FOXL2NB: variants seen among roughly 807,000 people sequenced by gnomAD.
FOXL2NB encodes the protein FOXL2 neighbor protein.
Under a neutral mutation model 7.4 loss-of-function variants are expected in FOXL2NB, and 10 were observed. That is an observed-to-expected ratio of 1.34 (90% CI 0.83 to 2.28). The LOEUF (loss-of-function observed/expected upper bound fraction) is 2.28. FOXL2NB is among the 30% of genes most tolerant of loss of function. The probability of loss-of-function intolerance (pLI) is 0.00; values close to 1 mark genes in which losing one functional copy is unlikely to be tolerated. For missense variants in FOXL2NB, 228 were observed against 233.9 expected, an observed-to-expected ratio of 0.97 and a Z score of 0.17; for synonymous variants, 104 against 105.3, an observed-to-expected ratio of 0.99 and a Z score of 0.08.
Position 138,950,708 on chromosome 3 carries a change from C to G in FOXL2NB, c.*136C>G, listed in dbSNP as rs1303762072. 1 of 862,446 alleles carries G rather than the reference C, an allele frequency of 1.2e-6. No individual in the cohort carries two copies. The highest frequency in any genetic ancestry group is 1.7e-5 in the African/African-American group (1 of 58,194). The allele number at this position is 862,446 out of a possible 1,614,324, so 53.4% of individuals were successfully genotyped here. On this transcript the variant is annotated 3_prime_UTR_variant, in exon 3 of 3. Transcript: ENST00000383165. ...GTCACGTTACTCCATCCACTTCTCT[C>G]TCCTTCTCCCTCTGTCAACTCCAAA...
Position 138,949,905 on chromosome 3 carries a change from G to C in FOXL2NB, c.220+266G>C, listed in dbSNP as rs761091457. On this transcript the variant is annotated intron_variant, in intron 2 of 2. Coordinates refer to ENST00000383165, the MANE Select transcript of FOXL2NB (RefSeq NM_001040061.3). The surrounding 1 kb of genome is among the most constrained non-coding windows in gnomAD (Gnocchi z 4.5). ...CTCTGAACAGGGCATACTGTGCCTA[G>C]GTTTTGTGGACGCCAGGGCCGGTTC... is the stretch of plus-strand genomic sequence containing the variant. 3 of 693,434 alleles carry C rather than the reference G, an allele frequency of 4.3e-6. No homozygotes were observed. In the South Asian group the frequency reaches 4.5e-5, roughly 10 times the overall value. The allele number at this position is 693,434 out of a possible 1,614,324, so 43.0% of individuals were successfully genotyped here.
At chr3:138,948,111 G>C (rs1382323760) in intron 1 of FOXL2NB, 1 of 419,052 alleles carries the variant, frequency 2.4e-6, no homozygotes, top group Non-Finnish European at 3.2e-6. Context: ...AATGTAGCTG[G>C]TGGATATAGC....
Position 138,949,816 on chromosome 3 carries a change from G to C in FOXL2NB, c.220+177G>C. 1.1e-6 allele frequency: 1 copy of C among 872,262 alleles called. No homozygotes were observed. The highest frequency in any genetic ancestry group is 1.9e-6 in the Non-Finnish European group (1 of 540,000). 54.0% of individuals were successfully genotyped at this position (872,262 alleles called of 1,614,324 possible). ...AACCGGGCGCTCCAGGAAACGGTGC[G>C]GGGCGCCCTGATTTACTTCTCAACC... On this transcript the variant is annotated intron_variant, in intron 2 of 2. Coordinates refer to ENST00000383165, the MANE Select transcript of FOXL2NB (RefSeq NM_001040061.3). The surrounding 1 kb of genome is among the most constrained non-coding windows in gnomAD (Gnocchi z 4.5).
In FOXL2NB at chr3:138,953,829, A is replaced by G. The variant is rs1210599576; in HGVS notation, c.*3257A>G. Among the ~76,000 whole-genome samples, 1 of 152,208 alleles carries G rather than the reference A, an allele frequency of 6.6e-6. No individual in the cohort carries two copies. Among genetic ancestry groups the G allele is most frequent in the African/African-American group, 2.4e-5 (1 of 41,450 alleles). ...CCTTTATGTCTAGTTTTTTCTGTGC[A>G]ACATATTTTTAATATTCACTGGTCT... On this transcript the variant is annotated 3_prime_UTR_variant, in exon 3 of 3. Transcript: ENST00000383165.
chr3:138,950,685 CACGTT>C lies in FOXL2NB; in HGVS notation c.*116_*120del. On this transcript the variant is annotated 3_prime_UTR_variant, in exon 3 of 3. Transcript: ENST00000383165. ...GGACTCGGTGTCCCTCCACTCAGGT[CACGTT>C]ACTCCATCCACTTCTCTCTCCTTCT... is the stretch of plus-strand genomic sequence containing the variant. 1 of 1,083,244 alleles carries C rather than the reference CACGTT, an allele frequency of 9.2e-7. No individual in the cohort carries two copies. Among genetic ancestry groups the C allele is most frequent in the Non-Finnish European group, 1.4e-6 (1 of 731,514 alleles). 67.1% of individuals were successfully genotyped at this position (1,083,244 alleles called of 1,614,324 possible).
In FOXL2NB at chr3:138,947,689, G is replaced by T; in HGVS notation, c.100+225G>T. On this transcript the variant is annotated intron_variant, in intron 1 of 2. Coordinates refer to ENST00000383165, the MANE Select transcript of FOXL2NB (RefSeq NM_001040061.3). The surrounding 1 kb of genome is among the most constrained non-coding windows in gnomAD (Gnocchi z 5.2). ...TCTCAGAGTGACTGGGCTGGAATGG[G>T]GCAGGGGAGAGGATCTCTGGAAATA... 1 of 1,299,650 alleles carries T rather than the reference G, an allele frequency of 7.7e-7. No homozygotes were observed. Among genetic ancestry groups the T allele is most frequent in the Non-Finnish European group, 9.7e-7 (1 of 1,026,426 alleles). The allele number at this position is 1,299,650 out of a possible 1,614,324, so 80.5% of individuals were successfully genotyped here.
chr3:138,951,248 G>T lies in FOXL2NB; in HGVS notation c.*676G>T, dbSNP rs925558946. On this transcript the variant is annotated 3_prime_UTR_variant, in exon 3 of 3. Transcript: ENST00000383165. Reference sequence around the variant, plus strand: ...CATATGTGCTTGGGAGAGAATAGGGGAGTGGAGAGAGAGAGAGAGATATTG... The same window carrying T: ...CATATGTGCTTGGGAGAGAATAGGGTAGTGGAGAGAGAGAGAGAGATATTG... The T allele has an allele frequency of 2.0e-5, 3 of 152,322 alleles. No individual in the cohort carries two copies. Among genetic ancestry groups the T allele is most frequent in the African/African-American group, 7.2e-5 (3 of 41,448 alleles). 9.4% of individuals were successfully genotyped at this position (152,322 alleles called of 1,614,324 possible). A position where few individuals can be genotyped will look rare whatever the true frequency, so the allele number is the denominator to read the frequency against.
At position 138,950,578 on chromosome 3, in the gene FOXL2NB, C is replaced by A; in HGVS notation, c.*6C>A. ...AGCTTCACTGTGTCTATTAGTACATCCCCATACACTCCACGCCTCAACAAC... is the reference window on the plus strand; with the variant it reads ...AGCTTCACTGTGTCTATTAGTACATACCCATACACTCCACGCCTCAACAAC... On this transcript the variant is annotated 3_prime_UTR_variant, in exon 3 of 3. Transcript: ENST00000383165. 1 of 1,613,622 alleles carries A rather than the reference C, an allele frequency of 6.2e-7. No individual in the cohort carries two copies. The highest frequency in any genetic ancestry group is 8.5e-7 in the Non-Finnish European group (1 of 1,179,884).
At position 138,948,792 on chromosome 3, in the gene FOXL2NB, G is replaced by C. The variant is rs554481764; in HGVS notation, c.101-728G>C. 4.6e-5 allele frequency among the ~76,000 whole-genome samples: 7 copies of C among 152,340 alleles called. No individual in the cohort carries two copies. The South Asian group carries it at 1.2e-3, about 27-fold the overall frequency. On this transcript the variant is annotated intron_variant, in intron 1 of 2. Coordinates refer to ENST00000383165, the MANE Select transcript of FOXL2NB (RefSeq NM_001040061.3). ...GATCTGCATTCTGAGATGAAAGGGA[G>C]GGAGGACAAGGGTGGTAGGGCTCTT...
In FOXL2NB at chr3:138,947,873, C is replaced by G. The variant is rs914544931; in HGVS notation, c.100+409C>G. On this transcript the variant is annotated intron_variant, in intron 1 of 2. Coordinates refer to ENST00000383165, the MANE Select transcript of FOXL2NB (RefSeq NM_001040061.3). The surrounding 1 kb of genome is among the most constrained non-coding windows in gnomAD (Gnocchi z 5.2). Reference sequence around the variant, plus strand: ...ATGCCCCTCAGCTATTGCACTAACACAGGCGGGGCTGTTGCCCGGGACTTT... The same window carrying G: ...ATGCCCCTCAGCTATTGCACTAACAGAGGCGGGGCTGTTGCCCGGGACTTT... The G allele has an allele frequency of 1.0e-6, 1 of 1,001,002 alleles. No individual in the cohort carries two copies. The highest frequency in any genetic ancestry group is 1.7e-5 in the African/African-American group (1 of 57,530). 62.0% of individuals were successfully genotyped at this position (1,001,002 alleles called of 1,614,324 possible). A position where few individuals can be genotyped will look rare whatever the true frequency, so the allele number is the denominator to read the frequency against.
intron 2 of FOXL2NB, 116 bp from the exon 3 acceptor site, chr3:138,950,149 G>A (rs779008335): frequency 1.8e-5 from 20 of 1,136,644 alleles, no homozygotes; most frequent in Non-Finnish European, 2.5e-5. Flanking sequence ...GTGAACCGCC[G>A]ATTGAGCGCA....
At position 138,950,429 on chromosome 3, in the gene FOXL2NB, T is replaced by G. The variant is rs1308420757; in HGVS notation, c.385T>G (p.Ser129Ala). ...CGGCTGCCTGAACCAGGTTCCGCTG[T>G]CCCCTTTCCTAGCGGGACCCCGAAA... Reference protein sequence around the residue: ...AAGCLNQVPLSPFLAGPRNTR... With the variant: ...AAGCLNQVPLAPFLAGPRNTR... The change falls in exon 3 of 3, where the codon TCC becomes GCC. Residue 129 changes from serine (S) to alanine (A), a missense_variant. By Grantham distance (99) the Ser-to-Ala change is moderately conservative (BLOSUM62 1). Coordinates refer to ENST00000383165, the MANE Select transcript of FOXL2NB (RefSeq NM_001040061.3). 5 of 1,613,800 alleles carry G rather than the reference T, an allele frequency of 3.1e-6. No homozygotes were observed. The highest frequency in any genetic ancestry group is 1.3e-5 in the African/African-American group (1 of 74,936).
At position 138,947,614 on chromosome 3, in the gene FOXL2NB, A is replaced by G. The variant is rs1936016516; in HGVS notation, c.100+150A>G. 1 of 1,413,824 alleles carries G rather than the reference A, an allele frequency of 7.1e-7. No homozygotes were observed. Among genetic ancestry groups the G allele is most frequent in the Non-Finnish European group, 9.2e-7 (1 of 1,085,082 alleles). The allele number at this position is 1,413,824 out of a possible 1,614,324, so 87.6% of individuals were successfully genotyped here. A position where few individuals can be genotyped will look rare whatever the true frequency, so the allele number is the denominator to read the frequency against. On this transcript the variant is annotated intron_variant, in intron 1 of 2. Transcript: ENST00000383165. The surrounding 1 kb of genome is among the most constrained non-coding windows in gnomAD (Gnocchi z 5.2). ...TGAGGCTTTGGGAAAGTCAGCCCAGAAACGGGTGTGACTGTACGAAGAAGC... is the reference window on the plus strand; with the variant it reads ...TGAGGCTTTGGGAAAGTCAGCCCAGGAACGGGTGTGACTGTACGAAGAAGC...
chr3:138,947,452 T>C lies in FOXL2NB; in HGVS notation c.88T>C (p.Ser30Pro). The C allele has an allele frequency of 6.6e-7, 1 of 1,512,972 alleles. No homozygotes were observed. The highest frequency in any genetic ancestry group is 8.9e-7 in the Non-Finnish European group (1 of 1,124,860). 93.7% of individuals were successfully genotyped at this position (1,512,972 alleles called of 1,614,324 possible). The change falls in exon 1 of 3, where the codon TCG (serine) becomes CCG (proline). Residue 30 changes from serine to proline, a missense_variant. By Grantham distance (74) the Ser-to-Pro change is moderately conservative. Coordinates refer to ENST00000383165, the MANE Select transcript of FOXL2NB (RefSeq NM_001040061.3). This position sits in a 1 kb window ranked among gnomAD's most constrained non-coding sequence, Gnocchi z 5.2. ...PQRGKALQAS[S>P]RLSESPALVK... The stretch of plus-strand genomic sequence containing the variant: ...GCGAGGAAAGGCGCTCCAAGCCTCC[T>C]CGCGGCTTTCAGGTGAAAGAAAACG...
At position 138,950,671 on chromosome 3, in the gene FOXL2NB, C is replaced by T; in HGVS notation, c.*99C>T. The T allele has an allele frequency of 2.3e-6, 3 of 1,295,408 alleles. No homozygotes were observed. Among genetic ancestry groups the T allele is most frequent in the Non-Finnish European group, 3.3e-6 (3 of 914,936 alleles). The allele number at this position is 1,295,408 out of a possible 1,614,324, so 80.2% of individuals were successfully genotyped here. On this transcript the variant is annotated 3_prime_UTR_variant, in exon 3 of 3. Transcript: ENST00000383165. ...CACCCACACCTCAGGGACTCGGTGT[C>T]CCTCCACTCAGGTCACGTTACTCCA...
rs779660003 is a variant in FOXL2NB at position 138,950,370 on chromosome 3, C to G, written c.326C>G (p.Ser109Trp). The change falls in exon 3 of 3, where the codon TCG becomes TGG. Residue 109 changes from serine (S) to tryptophan (W), a missense_variant. Coordinates refer to ENST00000383165, the MANE Select transcript of FOXL2NB (RefSeq NM_001040061.3). Reference protein sequence around the residue: ...RRGCSEAGSASLEPLSSSRAA... With the variant: ...RRGCSEAGSAWLEPLSSSRAA... ...GGCTGCTCTGAGGCAGGCAGCGCTT[C>G]GCTAGAACCACTCAGCTCGTCCCGC... 1.2e-6 allele frequency: 2 copies of G among 1,612,550 alleles called. No homozygotes were observed. The highest frequency in any genetic ancestry group is 1.7e-4 in the Middle Eastern group (1 of 6,036).
chr3:138,950,488 A>C lies in FOXL2NB; in HGVS notation c.444A>C (p.Arg148Ser). The C allele has an allele frequency of 6.2e-7, 1 of 1,614,192 alleles. No individual in the cohort carries two copies. The highest frequency in any genetic ancestry group is 8.5e-7 in the Non-Finnish European group (1 of 1,180,038). ...GGCTTCCCGCTCCTGAGCGGGAGAG[A>C]ATAGAGCTTGCTGCAACCCTCTGCT... ...TRRLPAPERERIELAATLCLE... is the reference protein window; with the variant it reads ...TRRLPAPERESIELAATLCLE... The change falls in exon 3 of 3, where the codon AGA becomes AGC. Residue 148 changes from arginine to serine, a missense_variant. Physicochemically the swap from Arg to Ser is moderately radical, Grantham distance 110 (BLOSUM62 -1). Coordinates refer to ENST00000383165, the MANE Select transcript of FOXL2NB (RefSeq NM_001040061.3).
Position 138,950,313 on chromosome 3 carries a change from C to T in FOXL2NB, c.269C>T (p.Ser90Phe). 1 of 1,607,238 alleles carries T rather than the reference C, an allele frequency of 6.2e-7. No homozygotes were observed. ...CAGAAGCCGCCCGCGCCTCGGGCTT[C>T]CGGCGGCCCAGCTCTACTAGGGAAG... is the stretch of plus-strand genomic sequence containing the variant. Reference protein sequence around the residue: ...QRQKPPAPRASGGPALLGKRR... With the variant: ...QRQKPPAPRAFGGPALLGKRR... The change falls in exon 3 of 3, where the codon TCC (serine) becomes TTC (phenylalanine). Residue 90 changes from serine (S) to phenylalanine (F), a missense_variant. Ser to Phe is a radical substitution (Grantham distance 155). Transcript: ENST00000383165.
Position 138,950,559 on chromosome 3 carries a change from A to T in FOXL2NB, c.515A>T (p.His172Leu), listed in dbSNP as rs757501023. Residue 172 changes from histidine to leucine, a missense_variant, in exon 3 of 3, where the codon CAC (histidine) becomes CTC (leucine). Coordinates refer to ENST00000383165, the MANE Select transcript of FOXL2NB (RefSeq NM_001040061.3). The part of the protein sequence containing the change: ...LRCLASKGKL[H>L]CVY ...TGCTTGGCTAGCAAAGGGAAGCTTC[A>T]CTGTGTCTATTAGTACATCCCCATA... 6.2e-7 allele frequency: 1 copy of T among 1,613,990 alleles called. No individual in the cohort carries two copies. Among genetic ancestry groups the T allele is most frequent in the Non-Finnish European group, 8.5e-7 (1 of 1,180,014 alleles).
Sources: gnomAD v4.1 joint callset for allele counts (sites outside exome capture counted in the v4.1 genomes callset) on GRCh38, gnomAD v4.1.1 for gene constraint, Gnocchi (gnomAD v3.1) non-coding constraint, MANE v1.5 for transcripts, NCBI Gene and HGNC (gene_info 2026-07-23, HGNC 2026-07-21) for gene names.